Variants in LRRC4C observed in about 807,000 individuals in gnomAD.
LRRC4C encodes the protein leucine rich repeat containing 4C.
Under a neutral mutation model 33.6 loss-of-function variants are expected in LRRC4C, and 5 were observed. The ratio of observed to expected loss-of-function variants is 0.15; its 90% CI spans 0.08 to 0.31. The LOEUF is 0.31. LRRC4C is among the 10% of genes least tolerant of loss of function. LRRC4C has a pLI of 1.00. For synonymous variants in LRRC4C, 329 were observed against 302.0 expected, an observed-to-expected ratio of 1.09 and a Z score of -0.93; for missense variants, 560 against 796.7, an observed-to-expected ratio of 0.70 and a Z score of 3.58.
chr11:41,296,988 A>T, intron 1 of LRRC4C, among the ~76,000 whole-genome samples: 1 of 152,160 alleles, frequency 6.6e-6, no homozygotes, highest in Non-Finnish European at 1.5e-5. Context: ...TTCCCATTTT[A>T]TTCCATTGAT....
intron 3 of LRRC4C, among the ~76,000 whole-genome samples, chr11:40,507,462 C>G (rs977315659): frequency 6.6e-6 from 1 of 151,944 alleles, no homozygotes. Flanking sequence ...AATATAAACA[C>G]TAATAAATAC....
intron 4 of LRRC4C, chr11:40,292,433 G>C (rs1944256353): frequency 6.6e-6 from 1 of 152,078 alleles, no homozygotes; most frequent in Admixed American, 6.5e-5. Context: ...TTTCTTCTCT[G>C]AAATTTCTTT....
intron 2 of LRRC4C, among the ~76,000 whole-genome samples, chr11:40,897,043 A>G (rs547622018): frequency 3.3e-5 from 5 of 152,314 alleles, no homozygotes; most frequent in Admixed American, 2.6e-4. Context: ...AATTTCTAAC[A>G]CTCTGAAATA....
chr11:40,514,480 T>G (rs1955479046), intron 3 of LRRC4C, among the ~76,000 whole-genome samples: 1 of 152,160 alleles, frequency 6.6e-6, no homozygotes, highest in Non-Finnish European at 1.5e-5. Context: ...CTGGTGTTTT[T>G]ATGAGGATTA....
At chr11:41,023,247 C>A (rs1431620962) in intron 1 of LRRC4C, among the ~76,000 whole-genome samples, 1 of 151,558 alleles carries the variant, frequency 6.6e-6, no homozygotes, top group Non-Finnish European at 1.5e-5. Context: ...AATAGAGAAA[C>A]AAACCCTCCT....
intron 2 of LRRC4C, among the ~76,000 whole-genome samples, chr11:40,915,905 T>G (rs913543359): frequency 6.6e-6 from 1 of 152,164 alleles, no homozygotes; most frequent in African/African-American, 2.4e-5. Context: ...CAGACACTTC[T>G]CAAAAGAAGA....
chr11:41,356,381 G>A (rs72896511), intron 1 of LRRC4C, among the ~76,000 whole-genome samples: 2,615 of 152,054 alleles, frequency 0.017, 22 homozygotes, highest in Non-Finnish European at 0.027. Context: ...AGACATACAC[G>A]CCTTCCTCCA....
intron 1 of LRRC4C, among the ~76,000 whole-genome samples, chr11:41,256,221 G>A (rs115685814): frequency 7.2e-5 from 11 of 151,916 alleles, no homozygotes; most frequent in South Asian, 6.2e-4. Context: ...CAGTCACCCC[G>A]GGTGATAACA....
At chr11:41,276,588 G>C (rs1439740328) in intron 1 of LRRC4C, among the ~76,000 whole-genome samples, 1 of 152,072 alleles carries the variant, frequency 6.6e-6, no homozygotes, top group Non-Finnish European at 1.5e-5. Context: ...TTGTTAGATA[G>C]TACGTAGGCA....
At chr11:41,186,457 A>C (rs762862701) in intron 1 of LRRC4C, among the ~76,000 whole-genome samples, 2 of 152,210 alleles carry the variant, frequency 1.3e-5, no homozygotes, top group Non-Finnish European at 2.9e-5. Context: ...GAAAACTTGA[A>C]AGTGAAAGGA....
intron 1 of LRRC4C, among the ~76,000 whole-genome samples, chr11:41,257,473 A>G (rs1254693186): frequency 1.3e-5 from 2 of 152,026 alleles, no homozygotes; most frequent in African/African-American, 4.8e-5. Context: ...GCCATGAGGT[A>G]TGGTTCAGTG....
At chr11:41,014,513 G>A (rs1855442736) in intron 1 of LRRC4C, among the ~76,000 whole-genome samples, 4 of 147,780 alleles carry the variant, frequency 2.7e-5, no homozygotes, top group African/African-American at 7.5e-5. Flanking sequence ...TCTGAGCCAA[G>A]ATTTTTACAG....
At chr11:40,692,962 G>A (rs1286168648) in intron 2 of LRRC4C, among the ~76,000 whole-genome samples, 2 of 152,058 alleles carry the variant, frequency 1.3e-5, no homozygotes, top group African/African-American at 4.8e-5. Flanking sequence ...CCTATACATA[G>A]CACATGAGAT....
chr11:40,537,816 A>C (rs1192574109), intron 3 of LRRC4C, among the ~76,000 whole-genome samples: 1 of 152,166 alleles, frequency 6.6e-6, no homozygotes, highest in Admixed American at 6.5e-5. Context: ...AACCCGCATG[A>C]CCATTCCAAC....
intron 3 of LRRC4C, among the ~76,000 whole-genome samples, chr11:40,403,237 G>A (rs1949829842): frequency 6.6e-6 from 1 of 152,074 alleles, no homozygotes; most frequent in South Asian, 2.1e-4. Flanking sequence ...ACCACAAGAT[G>A]AGTGGTTATG....
intron 1 of LRRC4C, among the ~76,000 whole-genome samples, chr11:40,947,407 G>T (rs939401806): frequency 6.6e-6 from 1 of 152,070 alleles, no homozygotes; most frequent in African/African-American, 2.4e-5. Context: ...TTTAAGCTTT[G>T]TTGGTAACAG....
intron 4 of LRRC4C, among the ~76,000 whole-genome samples, chr11:40,268,474 C>G (rs1942449362): frequency 6.6e-6 from 1 of 151,958 alleles, no homozygotes; most frequent in Non-Finnish European, 1.5e-5. Flanking sequence ...ACTTTTATTA[C>G]TTTATAGAGA....
chr11:40,909,280 T>C (rs1956561809), intron 2 of LRRC4C, among the ~76,000 whole-genome samples: 7 of 152,124 alleles, frequency 4.6e-5, no homozygotes, highest in Admixed American at 4.6e-4. Context: ...ATTTTAACTA[T>C]CAAGTTGATA....
intron 5 of LRRC4C, among the ~76,000 whole-genome samples, chr11:40,149,684 G>A (rs2135092638): frequency 6.6e-6 from 1 of 152,134 alleles, no homozygotes; most frequent in Admixed American, 6.5e-5. Context: ...AGGCCCCTCT[G>A]AAAAAGAGAT....
Sources: allele counts gnomAD v4.1 joint callset (sites outside exome capture counted in the v4.1 genomes callset), GRCh38; gene constraint gnomAD v4.1.1; transcripts MANE v1.5; gene names NCBI Gene and HGNC (gene_info 2026-07-23, HGNC 2026-07-21).